The following CYP11A1 variants were observed in gnomAD, a reference collection of about 807,000 sequenced individuals.
CYP11A1 encodes the protein cytochrome P450 family 11 subfamily A member 1.
Under a neutral mutation model 51.9 loss-of-function variants are expected in CYP11A1, and 25 were observed. That is an observed-to-expected ratio of 0.48 (90% CI 0.35 to 0.67). The LOEUF is 0.67. CYP11A1 is among the 30% of genes least tolerant of loss of function. The pLI is 0.00. For synonymous variants in CYP11A1, 245 were observed against 262.1 expected (o/e 0.93, Z 0.63); for missense variants, 578 against 680.9 (o/e 0.85, Z 1.68).
Position 74,345,237 on chromosome 15 carries a change from C to T in CYP11A1, c.432G>A (p.Ser144=), listed in dbSNP as rs767957985. ...CCACCCGGTCTTTCTTCCAGGCTGC[C>T]GACTTCCTGAGAAAACATGGGCCCA... ...QRPIGVLLKK[S]AAWKKDRVAL... is the part of the protein sequence containing the mutation. Residue 144 remains serine (S), a synonymous_variant, in exon 3 of 9, where the codon TCG becomes TCA. Transcript: ENST00000268053. This position sits in a 1 kb window ranked among gnomAD's most constrained non-coding sequence, Gnocchi z 4.3. 26 of 1,614,008 alleles carry T rather than the reference C, an allele frequency of 1.6e-5. No individual in the cohort carries two copies. The South Asian group carries it at 2.5e-4, about 16-fold the overall frequency.
intron 1 of CYP11A1, among the ~76,000 whole-genome samples, chr15:74,360,958 T>C (rs1443691668): frequency 6.6e-6 from 1 of 152,220 alleles, no homozygotes; most frequent in Non-Finnish European, 1.5e-5. Flanking sequence ...GAAACAGTTT[T>C]ACATGCAAGG....
intron 3 of CYP11A1, chr15:74,344,786 C>T (rs1250268955): frequency 3.8e-6 from 2 of 529,246 alleles, no homozygotes; most frequent in Non-Finnish European, 3.4e-6. Flanking sequence ...CTTTGGGGAC[C>T]CTTGCTCCTA....
chr15:74,339,017 C>T (rs2060593333), intron 7 of CYP11A1, among the ~76,000 whole-genome samples: 1 of 152,206 alleles, frequency 6.6e-6, no homozygotes, highest in Non-Finnish European at 1.5e-5. Flanking sequence ...ACCCTTTCCT[C>T]AGACCCAGGC....
chr15:74,347,097 C>T (rs1022606733), intron 2 of CYP11A1, among the ~76,000 whole-genome samples: 5 of 152,014 alleles, frequency 3.3e-5, no homozygotes, highest in African/African-American at 1.2e-4. Flanking sequence ...TGAGCCAATG[C>T]GCCCTGACCC....
chr15:74,343,143 G>A lies in CYP11A1; in HGVS notation c.830-6C>T. 1 of 1,613,630 alleles carries A rather than the reference G, an allele frequency of 6.2e-7. No individual in the cohort carries two copies. Among genetic ancestry groups the A allele is most frequent in the Non-Finnish European group, 8.5e-7 (1 of 1,180,012 alleles). On this transcript the variant is annotated splice_region_variant and splice_polypyrimidine_tract_variant and intron_variant, in intron 4 of 8. Coordinates refer to ENST00000268053, the MANE Select transcript of CYP11A1 (RefSeq NM_000781.3). Reference sequence around the variant, plus strand: ...GTTCTGGGTGTATATGTCAGCTGTGGGGAAGGAGGAAAGAAAAAAGAGTGA... The same window carrying A: ...GTTCTGGGTGTATATGTCAGCTGTGAGGAAGGAGGAAAGAAAAAAGAGTGA...
In CYP11A1 at chr15:74,347,890, C is replaced by T; in HGVS notation, c.425+10G>A. On this transcript the variant is annotated intron_variant, in intron 2 of 8. Coordinates refer to ENST00000268053, the MANE Select transcript of CYP11A1 (RefSeq NM_000781.3). ...TCCCTCCAGTCCCTGGGAGATGGCC[C>T]AGGACTCACTTCAACAGGACTCCTA... 6.2e-7 allele frequency: 1 copy of T among 1,613,976 alleles called. No individual in the cohort carries two copies. Among genetic ancestry groups the T allele is most frequent in the Non-Finnish European group, 8.5e-7 (1 of 1,179,934 alleles).
At chr15:74,349,197 G>C (rs1471489904) in intron 1 of CYP11A1, among the ~76,000 whole-genome samples, 2 of 152,180 alleles carry the variant, frequency 1.3e-5, no homozygotes, top group African/African-American at 2.4e-5. Context: ...CTGACTTCTA[G>C]TTTCCAGAAC....
At chr15:74,355,641 A>T (rs1465775928) in intron 1 of CYP11A1, among the ~76,000 whole-genome samples, 1 of 151,782 alleles carries the variant, frequency 6.6e-6, no homozygotes, top group Non-Finnish European at 1.5e-5. Context: ...TAATCCTTCT[A>T]TCACCCCCTC....
At position 74,339,165 on chromosome 15, in the gene CYP11A1, C is replaced by T. The variant is rs2060593907; in HGVS notation, c.1236+72G>A. ...GCCCCACCAGGGCCCCAGTGCCACC[C>T]TCTGTCTGCAATTCCAGCCTGCCCC... On this transcript the variant is annotated intron_variant, in intron 7 of 8. Coordinates refer to ENST00000268053, the MANE Select transcript of CYP11A1 (RefSeq NM_000781.3). 42 of 1,329,452 alleles carry T rather than the reference C, an allele frequency of 3.2e-5. 1 individual carries two copies. In the South Asian group the frequency reaches 4.8e-4, roughly 15 times the overall value. 82.4% of individuals were successfully genotyped at this position (1,329,452 alleles called of 1,614,324 possible).
At chr15:74,350,583 G>A (rs939272848) in intron 1 of CYP11A1, among the ~76,000 whole-genome samples, 1 of 152,192 alleles carries the variant, frequency 6.6e-6, no homozygotes, top group African/African-American at 2.4e-5. Flanking sequence ...TGGAGGCAGG[G>A]AACATAAGGC....
chr15:74,338,196 G>A (rs2060588219), intron 8 of CYP11A1, 93 bp from the exon 9 acceptor site: 8 of 1,475,902 alleles, frequency 5.4e-6, no homozygotes, highest in Non-Finnish European at 7.6e-6. Context: ...CCTGTGGAGT[G>A]TGATTTGAGG....
At chr15:74,354,127 G>T (rs1487623189) in intron 1 of CYP11A1, among the ~76,000 whole-genome samples, 2 of 152,122 alleles carry the variant, frequency 1.3e-5, no homozygotes, top group African/African-American at 2.4e-5. Context: ...GGTCCCTGGG[G>T]CCACTCAGGG....
rs2060630433 is a variant in CYP11A1, at chr15:74,345,872, C to A, written c.426-629G>T. On this transcript the variant is annotated intron_variant, in intron 2 of 8. Transcript: ENST00000268053. The surrounding 1 kb of genome is among the most constrained non-coding windows in gnomAD (Gnocchi z 4.3). ...AAGAATATTATCACAAACTTACCAC[C>A]CACCATAGAAACTAGGAACTTGACA... 6.6e-6 allele frequency among the ~76,000 whole-genome samples: 1 copy of A among 152,120 alleles called. No individual in the cohort carries two copies.
Position 74,367,586 on chromosome 15 carries a change from G to T in CYP11A1, c.-1C>A. On this transcript the variant is annotated 5_prime_UTR_variant, in exon 1 of 9. Coordinates refer to ENST00000268053, the MANE Select transcript of CYP11A1 (RefSeq NM_000781.3). Reference sequence around the variant, plus strand: ...GTGGGGGAAGACCCTTGGCCAGCATGCTGTCCCCACAGCTGTGACTGTACC... The same window carrying T: ...GTGGGGGAAGACCCTTGGCCAGCATTCTGTCCCCACAGCTGTGACTGTACC... 1.2e-6 allele frequency: 2 copies of T among 1,613,368 alleles called. No homozygotes were observed. The highest frequency in any genetic ancestry group is 3.3e-5 in the Admixed American group (2 of 59,994).
chr15:74,351,029 ACCCTTGCTGGG>A (rs370023365), intron 1 of CYP11A1: 11 of 151,812 alleles, frequency 7.2e-5, no homozygotes, highest in African/African-American at 2.7e-4. Flanking sequence ...CCAACTTGGG[ACCCTTGCTGGG>A]CCCCACCTAA....
Position 74,338,045 on chromosome 15 carries a change from T to C in CYP11A1, c.1493A>G (p.Asn498Ser). The change falls in exon 9 of 9, where the codon AAC becomes AGC. Residue 498 changes from asparagine (N) to serine (S), a missense_variant. Transcript: ENST00000268053. ...GGGCTTTTCAGGCATCAGAATGAGG[T>C]TGAATGTGGTGCCCACATCGCTGAG... ...QHLSDVGTTF[N>S]LILMPEKPIS... 7.4e-6 allele frequency: 12 copies of C among 1,614,170 alleles called. No individual in the cohort carries two copies. The highest frequency in any genetic ancestry group is 1.1e-5 in the South Asian group (1 of 91,078).
rs757917103 is a variant in CYP11A1, at chr15:74,345,255, T to C, written c.426-12A>G. The C allele has an allele frequency of 1.3e-5, 21 of 1,613,958 alleles. No individual in the cohort carries two copies. The highest frequency in any genetic ancestry group is 8.3e-5 in the Admixed American group (5 of 59,994). On this transcript the variant is annotated splice_polypyrimidine_tract_variant and intron_variant, in intron 2 of 8. Transcript: ENST00000268053. The surrounding 1 kb of genome is among the most constrained non-coding windows in gnomAD (Gnocchi z 4.3). Reference sequence around the variant, plus strand: ...AGGCTGCCGACTTCCTGAGAAAACATGGGCCCACAAGCCCTCATGGTCACA... The same window carrying C: ...AGGCTGCCGACTTCCTGAGAAAACACGGGCCCACAAGCCCTCATGGTCACA...
chr15:74,361,725 G>A (rs2060709714), intron 1 of CYP11A1: 1 of 1,260,436 alleles, frequency 7.9e-7, no homozygotes, highest in African/African-American at 1.5e-5. Context: ...AATTATTCCA[G>A]GATTTATGTG....
At chr15:74,361,587 C>T in intron 1 of CYP11A1, 2 of 993,860 alleles carry the variant, frequency 2.0e-6, no homozygotes, top group Non-Finnish European at 3.1e-6. Flanking sequence ...ACATCGCAGT[C>T]ACGGCGAGCC....
Sources: allele counts gnomAD v4.1 joint callset (sites outside exome capture counted in the v4.1 genomes callset), GRCh38; gene constraint gnomAD v4.1.1; non-coding constraint Gnocchi (gnomAD v3.1); transcripts MANE v1.5; gene names NCBI Gene and HGNC (gene_info 2026-07-23, HGNC 2026-07-21).